The following KLHL1 variants were observed in gnomAD, a reference collection of about 807,000 sequenced individuals.
KLHL1 encodes the protein kelch like family member 1.
A neutral mutation model predicts 77.7 loss-of-function variants in KLHL1; 47 were observed. The observed-to-expected ratio is 0.60, with a 90% CI of 0.48 to 0.77. The LOEUF (loss-of-function observed/expected upper bound fraction) is 0.77, where lower values mean the gene tolerates loss of function less well. Among genes scored for constraint, KLHL1 ranks in the 30% least tolerant of loss-of-function variants. The pLI, the probability that KLHL1 is intolerant of heterozygous loss-of-function variation, is 0.00. For missense variants in KLHL1, 925 were observed against 910.8 expected (o/e 1.02, Z -0.20); for synonymous variants, 360 against 325.2 (o/e 1.11, Z -1.15).
At chr13:69,859,596 G>A (rs1880056814) in intron 5 of KLHL1, among the ~76,000 whole-genome samples, 1 of 151,970 alleles carries the variant, frequency 6.6e-6, no homozygotes, top group Non-Finnish European at 1.5e-5. Context: ...TATTACATCA[G>A]GTTGCAATGT....
In KLHL1 at chr13:69,714,417, T is replaced by C. The variant is rs565227340; in HGVS notation, c.2015+4952A>G. ...CTACTGTCAGTCAGCAGAACATGGA[T>C]TATACCCAGGAAATCTGAATGCCAG... On this transcript the variant is annotated intron_variant, in intron 9 of 10. Transcript: ENST00000377844. Among the ~76,000 whole-genome samples, 3 of 152,174 alleles carry C rather than the reference T, an allele frequency of 2.0e-5. No individual in the cohort carries two copies. The East Asian group carries it at 5.8e-4, about 29-fold the overall frequency.
At chr13:69,861,742 G>A (rs941286102) in intron 5 of KLHL1, among the ~76,000 whole-genome samples, 1 of 142,134 alleles carries the variant, frequency 7.0e-6, no homozygotes, top group Admixed American at 7.3e-5. Flanking sequence ...GAGGTCGGGA[G>A]TTCGAGATCA....
chr13:69,873,642 T>C (rs187912491), intron 5 of KLHL1, among the ~76,000 whole-genome samples: 2 of 152,202 alleles, frequency 1.3e-5, no homozygotes, highest in East Asian at 1.9e-4. Context: ...TATCAACAGA[T>C]AGGAGAAATA....
chr13:69,886,567 G>A (rs1881227843), intron 4 of KLHL1, among the ~76,000 whole-genome samples: 1 of 151,464 alleles, frequency 6.6e-6, no homozygotes, highest in South Asian at 2.1e-4. Context: ...GAAACCTAAT[G>A]GTAATATTGT....
rs1463442993 is a variant in KLHL1, at chr13:70,026,679, G to A, written c.498-50877C>T. Among the ~76,000 whole-genome samples, 3 of 150,962 alleles carry A rather than the reference G, an allele frequency of 2.0e-5. No individual in the cohort carries two copies. In the Admixed American group the frequency reaches 2.0e-4, roughly 10 times the overall value. ...GAAATTCAAAGGTGATTGAGAAAGA[G>A]TTGCTGTCAATTTAAGAACTTAGGG... is the stretch of plus-strand genomic sequence containing the variant. On this transcript the variant is annotated intron_variant, in intron 1 of 10. Transcript: ENST00000377844.
chr13:69,786,808 G>A (rs370411297), intron 7 of KLHL1, among the ~76,000 whole-genome samples: 16,156 of 152,094 alleles, frequency 0.11, 965 homozygotes, highest in African/African-American at 0.15. Context: ...CTTCAGCAAA[G>A]TCTCAGGATA....
chr13:69,839,690 G>T (rs766143945), intron 5 of KLHL1, among the ~76,000 whole-genome samples: 2 of 151,920 alleles, frequency 1.3e-5, no homozygotes, highest in African/African-American at 2.4e-5. Flanking sequence ...GAATTTAAAA[G>T]TTGTGTATTA....
intron 7 of KLHL1, among the ~76,000 whole-genome samples, chr13:69,752,449 A>G (rs1874528034): frequency 1.3e-5 from 2 of 152,162 alleles, no homozygotes; most frequent in South Asian, 2.1e-4. Context: ...ATTAATATGT[A>G]TCATGAAAAT....
chr13:69,710,404 A>G (rs1446974809), intron 9 of KLHL1, among the ~76,000 whole-genome samples: 1 of 152,044 alleles, frequency 6.6e-6, no homozygotes, highest in East Asian at 1.9e-4. Context: ...TGAAATGTGT[A>G]ATAACTACTT....
At chr13:70,074,143 C>T (rs1887205793) in intron 1 of KLHL1, among the ~76,000 whole-genome samples, 1 of 151,996 alleles carries the variant, frequency 6.6e-6, no homozygotes, top group African/African-American at 2.4e-5. Flanking sequence ...GCCTCCGCAC[C>T]CGGCCCATAA....
Position 69,890,645 on chromosome 13 carries a change from C to A in KLHL1, c.1015-8150G>T, listed in dbSNP as rs182191933. ...TTAATATTTTTCTTCCACACACACACGCACACACACACACACACACAGATA... is the reference window on the plus strand; with the variant it reads ...TTAATATTTTTCTTCCACACACACAAGCACACACACACACACACACAGATA... On this transcript the variant is annotated intron_variant, in intron 4 of 10. Transcript: ENST00000377844. Among the ~76,000 whole-genome samples, 827 of 147,724 alleles carry A rather than the reference C, an allele frequency of 5.6e-3. 6 individuals carry two copies. Among genetic ancestry groups the A allele is most frequent in the African/African-American group, 0.019 (742 of 38,186 alleles).
At chr13:70,096,073 A>AT (rs148022041) in intron 1 of KLHL1, among the ~76,000 whole-genome samples, 27,172 of 151,896 alleles carry the variant, frequency 0.18, 3,285 homozygotes, top group African/African-American at 0.34. Flanking sequence ...TATGTACCAT[A>AT]TTTTTTATCC....
intron 1 of KLHL1, among the ~76,000 whole-genome samples, chr13:69,997,623 G>A (rs1156349754): frequency 6.7e-6 from 1 of 149,216 alleles, no homozygotes; most frequent in Non-Finnish European, 1.5e-5. Flanking sequence ...CTATGTTGTT[G>A]TATATGCCAG....
chr13:70,043,037 C>T (rs1232914901), intron 1 of KLHL1, among the ~76,000 whole-genome samples: 1 of 151,724 alleles, frequency 6.6e-6, no homozygotes, highest in Non-Finnish European at 1.5e-5. Flanking sequence ...TACTGAGTAG[C>T]TGGGATTATA....
chr13:70,006,158 G>A (rs1299295456), intron 1 of KLHL1, among the ~76,000 whole-genome samples: 1 of 151,962 alleles, frequency 6.6e-6, no homozygotes, highest in Non-Finnish European at 1.5e-5. Flanking sequence ...ATGTCCTGCA[G>A]GTTCATCTAT....
intron 1 of KLHL1, among the ~76,000 whole-genome samples, chr13:70,043,243 A>AAAAAAT (rs1251124714): frequency 6.6e-6 from 1 of 152,148 alleles, no homozygotes. Context: ...AAATACTAAA[A>AAAAAAT]AAAAATAAAA....
chr13:69,719,716 T>C (rs754561593), intron 8 of KLHL1, 135 bp from the exon 9 acceptor site: 2 of 643,186 alleles, frequency 3.1e-6, no homozygotes, highest in Non-Finnish European at 5.3e-6. Flanking sequence ...AGGGAGATTT[T>C]GTTAAAGATA....
intron 1 of KLHL1, among the ~76,000 whole-genome samples, chr13:69,996,000 C>T (rs1885141568): frequency 6.6e-6 from 1 of 152,054 alleles, no homozygotes; most frequent in African/African-American, 2.4e-5. Context: ...CAGATATCAG[C>T]ATCACATTCA....
chr13:69,775,693 GTTT>G (rs146568047), intron 7 of KLHL1, among the ~76,000 whole-genome samples: 1 of 150,700 alleles, frequency 6.6e-6, no homozygotes, highest in African/African-American at 2.4e-5. Context: ...ATGCCTAAGG[GTTT>G]TTTTTTGTTT....
Sources: allele counts gnomAD v4.1 joint callset (sites outside exome capture counted in the v4.1 genomes callset), GRCh38; gene constraint gnomAD v4.1.1; transcripts MANE v1.5; gene names NCBI Gene and HGNC (gene_info 2026-07-23, HGNC 2026-07-21).